Variants in SYCP2L observed in about 807,000 individuals in gnomAD.
SYCP2L encodes the protein synaptonemal complex protein 2-like.
Under a neutral mutation model 125.8 loss-of-function variants are expected in SYCP2L, and 98 were observed. The ratio of observed to expected loss-of-function variants is 0.78; its 90% CI spans 0.66 to 0.92. The LOEUF (loss-of-function observed/expected upper bound fraction) is 0.92, where lower values mean the gene tolerates loss of function less well. Ranked by LOEUF, SYCP2L falls within the 40% of genes least tolerant of loss-of-function variation. The pLI is 0.00. For synonymous variants in SYCP2L, 317 were observed against 325.4 expected (o/e 0.97, Z 0.28); for missense variants, 842 against 936.4 (o/e 0.90, Z 1.32).
intron 17 of SYCP2L, 120 bp downstream of exon 17, chr6:10,927,487 C>T (rs982771357): frequency 5.0e-5 from 36 of 725,820 alleles, no homozygotes; most frequent in Middle Eastern, 3.9e-4. Context: ...CGGTAGGTTC[C>T]GTGATGCCCC....
intron 23 of SYCP2L, among the ~76,000 whole-genome samples, chr6:10,953,462 G>A (rs1781446126): frequency 6.6e-6 from 1 of 151,952 alleles, no homozygotes; most frequent in Non-Finnish European, 1.5e-5. Flanking sequence ...CAAATATGTA[G>A]TGGCTATTTA....
Position 10,912,105 on chromosome 6 carries a change from C to T in SYCP2L, c.919-568C>T, listed in dbSNP as rs1198108409. Among the ~76,000 whole-genome samples the T allele has an allele frequency of 6.6e-6, 1 of 151,682 alleles. No individual in the cohort carries two copies. The highest frequency in any genetic ancestry group is 6.6e-5 in the Admixed American group (1 of 15,226). Reference sequence around the variant, plus strand: ...TGTTAATGGTGCCTATGGAAAGGTACTTATGAAAAACTGAGGGGCAGAGAA... The same window carrying T: ...TGTTAATGGTGCCTATGGAAAGGTATTTATGAAAAACTGAGGGGCAGAGAA... On this transcript the variant is annotated intron_variant, in intron 12 of 29. Transcript: ENST00000283141. The surrounding 1 kb of genome is among the most constrained non-coding windows in gnomAD (Gnocchi z 4.1).
At chr6:10,926,301 G>T in intron 15 of SYCP2L, 38 bp from the exon 16 acceptor site, 7 of 1,390,204 alleles carry the variant, frequency 5.0e-6, no homozygotes, top group South Asian at 3.7e-5. Flanking sequence ...TTTTAAAGAT[G>T]ACTACATTTC....
intron 14 of SYCP2L, among the ~76,000 whole-genome samples, chr6:10,916,355 C>T (rs143926038): frequency 1.3e-5 from 2 of 152,092 alleles, no homozygotes; most frequent in Admixed American, 6.5e-5. Context: ...TTTTCTTCTA[C>T]GGGGTTTGAG....
At chr6:10,895,569 C>T (rs1780243245) in intron 4 of SYCP2L, among the ~76,000 whole-genome samples, 1 of 151,482 alleles carries the variant, frequency 6.6e-6, no homozygotes, top group Admixed American at 6.6e-5. Flanking sequence ...GTACTGATAA[C>T]GCTTGCTACC....
intron 23 of SYCP2L, among the ~76,000 whole-genome samples, chr6:10,948,242 A>G (rs2113390562): frequency 6.6e-6 from 1 of 152,238 alleles, no homozygotes; most frequent in East Asian, 1.9e-4. Context: ...TCAAGTACAT[A>G]TACATTATTA....
At chr6:10,924,009 C>T (rs556484456) in intron 14 of SYCP2L, among the ~76,000 whole-genome samples, 159 of 152,268 alleles carry the variant, frequency 1.0e-3, no homozygotes, top group African/African-American at 2.9e-3. Flanking sequence ...AAGGTGTTTC[C>T]GTCTCTTCTT....
At chr6:10,941,020 T>TTGACAAACC (rs1490869336) in intron 21 of SYCP2L, among the ~76,000 whole-genome samples, 2 of 152,136 alleles carry the variant, frequency 1.3e-5, no homozygotes, top group African/African-American at 4.8e-5. Flanking sequence ...GAATTCATCT[T>TTGACAAACC]TGACAAACCT....
At chr6:10,890,365 G>GT (rs1032576574) in intron 1 of SYCP2L, among the ~76,000 whole-genome samples, 4 of 152,068 alleles carry the variant, frequency 2.6e-5, no homozygotes, top group Non-Finnish European at 4.4e-5. Flanking sequence ...AGCATTTGTT[G>GT]TTTTTTGTCT....
At chr6:10,931,550 A>G in intron 20 of SYCP2L, 61 bp downstream of exon 20, 4 of 1,474,598 alleles carry the variant, frequency 2.7e-6, no homozygotes, top group Non-Finnish European at 3.8e-6. Context: ...TTATTTCTCC[A>G]AAAACAACTT....
rs780827727 is a variant in SYCP2L at position 10,910,902 on chromosome 6, G to A, written c.918+33G>A. 37 of 1,611,452 alleles carry A rather than the reference G, an allele frequency of 2.3e-5. No homozygotes were observed. In the Middle Eastern group the frequency reaches 4.9e-4, roughly 21 times the overall value. ...CATCCCTCTTGGAGGTCCTGAGGGC[G>A]GTGTGCAGTGAAACCAGGAGTTAGG... On this transcript the variant is annotated intron_variant, in intron 12 of 29. Transcript: ENST00000283141.
At chr6:10,895,124 C>T (rs1045177007) in intron 4 of SYCP2L, among the ~76,000 whole-genome samples, 10 of 152,170 alleles carry the variant, frequency 6.6e-5, no homozygotes, top group African/African-American at 2.4e-4. Context: ...ATATTTCGTT[C>T]TGCATATAAC....
Position 10,955,207 on chromosome 6 carries a change from A to T in SYCP2L, c.2046A>T (p.Arg682Ser). Reference sequence around the variant, plus strand: ...CCCCTTTCTCAATAACAGAAGAAAGAGAGTTGCCAGGTAACATCATGCACC... The same window carrying T: ...CCCCTTTCTCAATAACAGAAGAAAGTGAGTTGCCAGGTAACATCATGCACC... ...PGSPFSITEERELPEGISTSS... is the reference protein window; with the variant it reads ...PGSPFSITEESELPEGISTSS... The change falls in exon 24 of 30, where the codon AGA (arginine) becomes AGT (serine). Residue 682 changes from arginine to serine, a missense_variant. Coordinates refer to ENST00000283141, the MANE Select transcript of SYCP2L (RefSeq NM_001040274.3). The T allele has an allele frequency of 6.2e-7, 1 of 1,607,976 alleles. No homozygotes were observed.
At chr6:10,936,987 A>G (rs1188444467) in intron 21 of SYCP2L, among the ~76,000 whole-genome samples, 4 of 152,258 alleles carry the variant, frequency 2.6e-5, no homozygotes, top group Non-Finnish European at 5.9e-5. Context: ...GCAATACAAT[A>G]AAAGAGTTCT....
chr6:10,941,680 C>A (rs147656613), intron 21 of SYCP2L, among the ~76,000 whole-genome samples: 3,534 of 151,992 alleles, frequency 0.023, 137 homozygotes, highest in African/African-American at 0.071. Flanking sequence ...GAGAAATAGG[C>A]ACACTTTTCT....
chr6:10,971,710 G>T, intron 29 of SYCP2L, among the ~76,000 whole-genome samples: 1 of 152,008 alleles, frequency 6.6e-6, no homozygotes, highest in African/African-American at 2.4e-5. Context: ...TTGAGAAGGA[G>T]TTTCGCTCTT....
chr6:10,922,505 G>A (rs112400479), intron 14 of SYCP2L, among the ~76,000 whole-genome samples: 1,970 of 145,822 alleles, frequency 0.014, 45 homozygotes, highest in African/African-American at 0.047. Context: ...TCACTCTGTC[G>A]TCCAGGCTGG....
chr6:10,954,801 C>G lies in SYCP2L; in HGVS notation c.1955-315C>G, dbSNP rs922850821. ...CTGTCTTGCTATTTAGCTCAGAGCC[C>G]TGGAAGCGTTGCTTTTGATGTCTAC... On this transcript the variant is annotated intron_variant, in intron 23 of 29. Coordinates refer to ENST00000283141, the MANE Select transcript of SYCP2L (RefSeq NM_001040274.3). This position sits in a 1 kb window ranked among gnomAD's most constrained non-coding sequence, Gnocchi z 4.8. Among the ~76,000 whole-genome samples the G allele has an allele frequency of 2.0e-5, 3 of 152,162 alleles. No individual in the cohort carries two copies. Among genetic ancestry groups the G allele is most frequent in the African/African-American group, 7.2e-5 (3 of 41,440 alleles).
intron 8 of SYCP2L, among the ~76,000 whole-genome samples, chr6:10,904,597 G>C (rs1202612389): frequency 6.6e-6 from 1 of 152,108 alleles, no homozygotes; most frequent in African/African-American, 2.4e-5. Context: ...TTTCTCCTAA[G>C]TTTTCAAACT....
Sources: gnomAD v4.1 joint callset for allele counts (sites outside exome capture counted in the v4.1 genomes callset) on GRCh38, gnomAD v4.1.1 for gene constraint, Gnocchi (gnomAD v3.1) non-coding constraint, MANE v1.5 for transcripts, NCBI Gene and HGNC (gene_info 2026-07-23, HGNC 2026-07-21) for gene names.